HSD17B12: variants seen among roughly 807,000 people sequenced by gnomAD.
The protein encoded by HSD17B12 is hydroxysteroid 17-beta dehydrogenase 12, also known as very-long-chain 3-oxoacyl-CoA reductase.
Under a neutral mutation model 39.3 loss-of-function variants are expected in HSD17B12, and 32 were observed. The ratio of observed to expected loss-of-function variants is 0.81; its 90% CI spans 0.61 to 1.09. The LOEUF (loss-of-function observed/expected upper bound fraction) is 1.09. HSD17B12 is among the 50% of genes least tolerant of loss of function. The probability of loss-of-function intolerance (pLI) is 0.00; values close to 1 mark genes in which losing one functional copy is unlikely to be tolerated. For missense variants in HSD17B12, 342 were observed against 382.9 expected (o/e 0.89, Z 0.89); for synonymous variants, 150 against 146.7 (o/e 1.02, Z -0.16).
At chr11:43,841,827 C>T (rs1249686379) in intron 9 of HSD17B12, among the ~76,000 whole-genome samples, 1 of 152,138 alleles carries the variant, frequency 6.6e-6, no homozygotes, top group Non-Finnish European at 1.5e-5. Flanking sequence ...AAGTATTTCA[C>T]TTTTTGTATC....
At chr11:43,684,154 C>T (rs1162635337) in intron 1 of HSD17B12, among the ~76,000 whole-genome samples, 1 of 152,198 alleles carries the variant, frequency 6.6e-6, no homozygotes, top group Non-Finnish European at 1.5e-5. Flanking sequence ...AGTAACATTC[C>T]CACTCAGGTG....
chr11:43,735,477 G>A (rs760181305), intron 1 of HSD17B12, among the ~76,000 whole-genome samples: 7 of 152,106 alleles, frequency 4.6e-5, no homozygotes, highest in Non-Finnish European at 7.4e-5. Flanking sequence ...TGTCACTGTA[G>A]TTTTGATTTT....
chr11:43,828,757 T>C (rs1951276615), intron 6 of HSD17B12, among the ~76,000 whole-genome samples: 1 of 152,228 alleles, frequency 6.6e-6, no homozygotes, highest in Non-Finnish European at 1.5e-5. Context: ...TATATTCATA[T>C]AAATAACCAA....
chr11:43,696,224 T>C (rs757721617), intron 1 of HSD17B12, among the ~76,000 whole-genome samples: 2 of 152,174 alleles, frequency 1.3e-5, no homozygotes, highest in Non-Finnish European at 2.9e-5. Flanking sequence ...GTGGTGATTA[T>C]ATGCTAGGCC....
intron 1 of HSD17B12, among the ~76,000 whole-genome samples, chr11:43,685,661 T>C (rs142265467): frequency 2.2e-3 from 337 of 152,312 alleles, no homozygotes; most frequent in Non-Finnish European, 4.2e-3. Context: ...AGCTATTAAA[T>C]TGCAGAGTCA....
At chr11:43,562,952 A>G in the HSD17B12 span, among the ~76,000 whole-genome samples, 2 of 152,194 alleles carry the variant, frequency 1.3e-5, no homozygotes, top group Non-Finnish European at 2.9e-5. Flanking sequence ...TTTGACTCAC[A>G]GAAGCCTAGA....
chr11:43,672,686 G>A, the HSD17B12 span, among the ~76,000 whole-genome samples: 511 of 152,036 alleles, frequency 3.4e-3, 3 homozygotes, highest in East Asian at 0.03. Flanking sequence ...GATTACAGGC[G>A]CCTGCCACCA....
rs59970877 is a variant in HSD17B12, at chr11:43,810,367, T to TTATATATATATATATATA, written c.392-5051_392-5034dup. ...ATTTTAAAGCAGTATAATTTAGAAA[T>TTATATATATATATATATA]TATATATATATATATATATATATAT... On this transcript the variant is annotated intron_variant, in intron 4 of 10. Transcript: ENST00000278353. Among the ~76,000 whole-genome samples the TTATATATATATATATATA allele has an allele frequency of 6.3e-3, 372 of 59,184 alleles. 6 individuals carry two copies. The highest frequency in any genetic ancestry group is 0.019 in the African/African-American group (283 of 14,946). The allele number at this position is 59,184 out of a possible 152,430, so 38.8% of individuals were successfully genotyped here.
chr11:43,826,081 C>CTTTT (rs71481435), intron 6 of HSD17B12, among the ~76,000 whole-genome samples: 3 of 75,272 alleles, frequency 4.0e-5, no homozygotes, highest in South Asian at 4.4e-4. Context: ...CTTTTTTTTT[C>CTTTT]TTTTTTTTTT....
chr11:43,715,358 C>A (rs898316056), intron 1 of HSD17B12, among the ~76,000 whole-genome samples: 3 of 151,996 alleles, frequency 2.0e-5, no homozygotes, highest in African/African-American at 7.3e-5. Context: ...TTGTCAAATG[C>A]CTTTTCTGCA....
intron 4 of HSD17B12, among the ~76,000 whole-genome samples, chr11:43,809,545 G>T (rs960480698): frequency 6.6e-6 from 1 of 152,188 alleles, no homozygotes; most frequent in Non-Finnish European, 1.5e-5. Context: ...TTGGCCAGGC[G>T]TGATGGCTCA....
At chr11:43,818,846 T>A (rs1951154739) in intron 6 of HSD17B12, among the ~76,000 whole-genome samples, 1 of 152,184 alleles carries the variant, frequency 6.6e-6, no homozygotes, top group Non-Finnish European at 1.5e-5. Context: ...TCAGAGCTGA[T>A]ACAGATTTTA....
At chr11:43,574,957 G>A in the HSD17B12 span, among the ~76,000 whole-genome samples, 1 of 152,226 alleles carries the variant, frequency 6.6e-6, no homozygotes, top group African/African-American at 2.4e-5. Context: ...TTCCTCTTCG[G>A]GTGGAGAGCA....
At chr11:43,672,610 C>T in the HSD17B12 span, among the ~76,000 whole-genome samples, 2 of 152,010 alleles carry the variant, frequency 1.3e-5, no homozygotes, top group Non-Finnish European at 1.5e-5. Flanking sequence ...TGCAGTGGTG[C>T]GATCTTGGCT....
chr11:43,690,635 C>T (rs767381709), intron 1 of HSD17B12, among the ~76,000 whole-genome samples: 18 of 151,066 alleles, frequency 1.2e-4, no homozygotes, highest in South Asian at 4.2e-4. Context: ...CAAATATTAG[C>T]GGTTTCCCAA....
intron 3 of HSD17B12, among the ~76,000 whole-genome samples, chr11:43,771,462 C>CTTTTTTTTTTTTTTT (rs34783257): frequency 1.1e-5 from 1 of 90,640 alleles, no homozygotes; most frequent in East Asian, 3.4e-4. Flanking sequence ...GACTCATATT[C>CTTTTTTTTTTTTTTT]TTTTTTTTTT....
chr11:43,595,474 G>T, the HSD17B12 span, among the ~76,000 whole-genome samples: 38 of 152,260 alleles, frequency 2.5e-4, no homozygotes, highest in Non-Finnish European at 4.1e-4. Context: ...CAACACTGTT[G>T]ATTTATTCAT....
Position 43,721,834 on chromosome 11 carries a change from G to T in HSD17B12, c.161-29077G>T, listed in dbSNP as rs111721824. ...GTAATGGGAAGTCATTGAAGGAATT[G>T]AACAGGGCTAAGGTTGTGATGTCAT... On this transcript the variant is annotated intron_variant, in intron 1 of 10. Transcript: ENST00000278353. 7.4e-3 allele frequency among the ~76,000 whole-genome samples: 1,128 copies of T among 152,282 alleles called. 14 individuals carry two copies. Among genetic ancestry groups the T allele is most frequent in the African/African-American group, 0.026 (1,078 of 41,546 alleles).
chr11:43,649,112 C>CT, the HSD17B12 span, among the ~76,000 whole-genome samples: 81 of 140,252 alleles, frequency 5.8e-4, no homozygotes, highest in East Asian at 5.4e-3. Flanking sequence ...CAACTTGTGT[C>CT]TTTTTTTTTT....
Sources: gnomAD v4.1 joint callset for allele counts (sites outside exome capture counted in the v4.1 genomes callset) on GRCh38, gnomAD v4.1.1 for gene constraint, MANE v1.5 for transcripts, NCBI Gene and HGNC (gene_info 2026-07-23, HGNC 2026-07-21) for gene names.